Variants in CNR2 observed in about 807,000 individuals in gnomAD.
CNR2 encodes cannabinoid receptor 2 (macrophage).
For missense variants in CNR2, 379 were observed against 439.9 expected, an observed-to-expected ratio of 0.86 and a Z score of 1.24; for synonymous variants, 172 against 182.2, an observed-to-expected ratio of 0.94 and a Z score of 0.45.
chr1:23,896,570 G>C (rs573941062), intron 1 of CNR2, among the ~76,000 whole-genome samples: 1 of 152,364 alleles, frequency 6.6e-6, no homozygotes, highest in South Asian at 2.1e-4. Context: ...TAACCAATGA[G>C]AGTGACGATG....
At chr1:23,892,145 G>A (rs1351942230) in intron 1 of CNR2, among the ~76,000 whole-genome samples, 1 of 152,204 alleles carries the variant, frequency 6.6e-6, no homozygotes, top group Non-Finnish European at 1.5e-5. Flanking sequence ...ACAAGCAGCA[G>A]CCCTGAAGCA....
chr1:23,870,724 T>C lies in CNR2; in HGVS notation c.*3811A>G, dbSNP rs2148452860. 2 of 152,338 alleles carry C rather than the reference T, an allele frequency of 1.3e-5. No homozygotes were observed. The highest frequency in any genetic ancestry group is 4.1e-4 in the South Asian group (2 of 4,822). 9.4% of individuals were successfully genotyped at this position (152,338 alleles called of 1,614,324 possible). A position where few individuals can be genotyped will look rare whatever the true frequency, so the allele number is the denominator to read the frequency against. ...TTTGTTGCACTGGACACCATCTCGT[T>C]TGTCTCCCTGAGCAAGTCTTGTCCA... is the stretch of plus-strand genomic sequence containing the variant. On this transcript the variant is annotated 3_prime_UTR_variant, in exon 2 of 2. Transcript: ENST00000374472.
At position 23,881,191 on chromosome 1, in the gene CNR2, G is replaced by A. The variant is rs569303772; in HGVS notation, c.-45-5529C>T. ...CTCGGGAGGCTGAGGCAGGAGAATCGCTTGAACCCAGGAGGCGGAGTTTGC... is the reference window on the plus strand; with the variant it reads ...CTCGGGAGGCTGAGGCAGGAGAATCACTTGAACCCAGGAGGCGGAGTTTGC... On this transcript the variant is annotated intron_variant, in intron 1 of 1. Coordinates refer to ENST00000374472, the MANE Select transcript of CNR2 (RefSeq NM_001841.3). 3.6e-4 allele frequency among the ~76,000 whole-genome samples: 54 copies of A among 151,952 alleles called. No individual in the cohort carries two copies. In the South Asian group the frequency reaches 8.9e-3, roughly 25 times the overall value.
Position 23,874,594 on chromosome 1 carries a change from CCT to C in CNR2, c.1022_1023del (p.Glu341GlyfsTer2), listed in dbSNP as rs779746814. 6.2e-7 allele frequency: 1 copy of C among 1,614,140 alleles called. No homozygotes were observed. The highest frequency in any genetic ancestry group is 1.1e-5 in the South Asian group (1 of 91,080). On this transcript the variant is annotated frameshift_variant, in exon 2 of 2. Coordinates refer to ENST00000374472, the MANE Select transcript of CNR2 (RefSeq NM_001841.3). LOFTEE classifies it low-confidence loss of function (END_TRUNC). ...GGCCACGGAGTGATTTTCCCATCAG[CCT>C]CTGTCTCGGTGACTGAGGATCTCGG... ...EAPRSSVTET[E>X]ADGKITPWPD...
rs371438162 is a variant in CNR2 at position 23,884,319 on chromosome 1, C to T, written c.-45-8657G>A. On this transcript the variant is annotated intron_variant, in intron 1 of 1. Coordinates refer to ENST00000374472, the MANE Select transcript of CNR2 (RefSeq NM_001841.3). The stretch of plus-strand genomic sequence containing the variant: ...AACTCCTGGCTTCAAGTGATCTGCG[C>T]GCCTTGGCCTCCCAAAGTGCTGGGA... Among the ~76,000 whole-genome samples the T allele has an allele frequency of 5.6e-4, 11 of 19,676 alleles. 2 individuals carry two copies. The highest frequency in any genetic ancestry group is 1.3e-3 in the Non-Finnish European group (9 of 6,680). 12.9% of individuals were successfully genotyped at this position (19,676 alleles called of 152,430 possible). A position where few individuals can be genotyped will look rare whatever the true frequency, so the allele number is the denominator to read the frequency against.
At chr1:23,896,763 G>A (rs1227171294) in intron 1 of CNR2, among the ~76,000 whole-genome samples, 3 of 152,156 alleles carry the variant, frequency 2.0e-5, no homozygotes, top group African/African-American at 7.2e-5. Context: ...CCGTCATGAC[G>A]AGAGCCCTGG....
At chr1:23,890,429 T>C (rs1268652099) in intron 1 of CNR2, among the ~76,000 whole-genome samples, 1 of 151,984 alleles carries the variant, frequency 6.6e-6, no homozygotes, top group East Asian at 1.9e-4. Context: ...GGAAAACTTG[T>C]TCAACCTGCA....
intron 1 of CNR2, chr1:23,907,168 G>A (rs1411916085): frequency 1.3e-5 from 2 of 152,026 alleles, no homozygotes; most frequent in African/African-American, 4.8e-5. Context: ...AGCAAGGTGG[G>A]CGGATCACCT....
chr1:23,899,449 C>T (rs1301163682), intron 1 of CNR2, among the ~76,000 whole-genome samples: 1 of 152,118 alleles, frequency 6.6e-6, no homozygotes, highest in Non-Finnish European at 1.5e-5. Context: ...ACAGCCCTTT[C>T]CCAAAGTACA....
intron 1 of CNR2, among the ~76,000 whole-genome samples, chr1:23,882,471 A>G (rs1332492614): frequency 1.3e-5 from 2 of 152,126 alleles, no homozygotes; most frequent in Non-Finnish European, 2.9e-5. Flanking sequence ...AAAATGTGTG[A>G]GATTCATCTG....
rs201016530 is a variant in CNR2 at position 23,874,419 on chromosome 1, C to G, written c.*116G>C. 2.5e-6 allele frequency: 3 copies of G among 1,184,882 alleles called. No homozygotes were observed. The African/African-American group carries it at 4.6e-5, about 18-fold the overall frequency. The allele number at this position is 1,184,882 out of a possible 1,614,324, so 73.4% of individuals were successfully genotyped here. On this transcript the variant is annotated 3_prime_UTR_variant, in exon 2 of 2. Transcript: ENST00000374472. ...CAACACTCATCAGCAAAAAGGGGTC[C>G]GTGTCTAGGTGTCTGGGACTGGTTT... is the stretch of plus-strand genomic sequence containing the variant.
At chr1:23,902,330 G>C in intron 1 of CNR2, 1 of 1,563,094 alleles carries the variant, frequency 6.4e-7, no homozygotes, top group East Asian at 2.3e-5. Context: ...GCTGGGTCAG[G>C]TCGGGCTCCT....
rs1380841340 is a variant in CNR2 at position 23,873,206 on chromosome 1, C to T, written c.*1329G>A. 6.6e-6 allele frequency: 1 copy of T among 152,136 alleles called. No homozygotes were observed. The highest frequency in any genetic ancestry group is 2.4e-5 in the African/African-American group (1 of 41,486). The allele number at this position is 152,136 out of a possible 1,614,324, so 9.4% of individuals were successfully genotyped here. ...GGCTCCTCTGGGAGGAACCCAGCCT[C>T]CCTCATATGAAAAATGAGTACCCTG... On this transcript the variant is annotated 3_prime_UTR_variant, in exon 2 of 2. Coordinates refer to ENST00000374472, the MANE Select transcript of CNR2 (RefSeq NM_001841.3).
intron 1 of CNR2, among the ~76,000 whole-genome samples, chr1:23,879,284 ACT>A (rs1639939218): frequency 6.6e-6 from 1 of 152,070 alleles, no homozygotes; most frequent in African/African-American, 2.4e-5. Context: ...ACAGAGTGAG[ACT>A]CTGTTTCAAA....
At chr1:23,883,852 A>G (rs1157202770) in intron 1 of CNR2, among the ~76,000 whole-genome samples, 1 of 149,238 alleles carries the variant, frequency 6.7e-6, no homozygotes, top group Non-Finnish European at 1.5e-5. Flanking sequence ...ACAAAAAAAC[A>G]AAAACAAAAA....
chr1:23,905,095 T>G (rs1240644706), intron 1 of CNR2, among the ~76,000 whole-genome samples: 1 of 147,470 alleles, frequency 6.8e-6, no homozygotes, highest in Non-Finnish European at 1.5e-5. Context: ...CTCTGGTGAT[T>G]ATGACAATAG....
chr1:23,908,806 CAG>C (rs1461725249), intron 1 of CNR2, among the ~76,000 whole-genome samples: 1 of 152,180 alleles, frequency 6.6e-6, no homozygotes, highest in Non-Finnish European at 1.5e-5. Context: ...GGGAGAGACA[CAG>C]AGGACGAACT....
intron 1 of CNR2, among the ~76,000 whole-genome samples, chr1:23,884,210 G>A (rs943245490): frequency 6.6e-6 from 1 of 150,850 alleles, no homozygotes; most frequent in East Asian, 1.9e-4. Context: ...CTCCCGAGTA[G>A]CTGGGATTAC....
At chr1:23,898,622 G>T (rs1232104794) in intron 1 of CNR2, among the ~76,000 whole-genome samples, 6 of 126,616 alleles carry the variant, frequency 4.7e-5, no homozygotes, top group African/African-American at 1.8e-4. Flanking sequence ...ATTCAGGCTT[G>T]AGCCACCACG....
Sources: allele counts gnomAD v4.1 joint callset (sites outside exome capture counted in the v4.1 genomes callset), GRCh38; gene constraint gnomAD v4.1.1; transcripts MANE v1.5; gene names NCBI Gene and HGNC (gene_info 2026-07-23, HGNC 2026-07-21).